The following ANO3 variants were observed in gnomAD, a reference collection of about 807,000 sequenced individuals.
ANO3 encodes the protein anoctamin-3.
A neutral mutation model predicts 144.8 loss-of-function variants in ANO3; 99 were observed. That is an observed-to-expected ratio of 0.68 (90% CI 0.58 to 0.81). ANO3 has a LOEUF of 0.81. Among genes scored for constraint, ANO3 ranks in the 30% least tolerant of loss-of-function variants. The pLI, the probability that ANO3 is intolerant of heterozygous loss-of-function variation, is 0.00. For missense variants in ANO3, 905 were observed against 1,202.2 expected, an observed-to-expected ratio of 0.75 and a Z score of 3.66; for synonymous variants, 414 against 392.6, an observed-to-expected ratio of 1.05 and a Z score of -0.64.
At chr11:26,599,116 C>T (rs1851722744) in intron 16 of ANO3, 118 bp downstream of exon 16, 1 of 1,046,522 alleles carries the variant, frequency 9.6e-7, no homozygotes, top group Non-Finnish European at 1.4e-6. Flanking sequence ...TTTCCAACAA[C>T]TTGGTAACAC....
intron 1 of ANO3, among the ~76,000 whole-genome samples, chr11:26,263,742 A>G (rs182705554): frequency 6.6e-6 from 1 of 152,364 alleles, no homozygotes; most frequent in Admixed American, 6.5e-5. Flanking sequence ...GAATGACTTC[A>G]GGGACTATAT....
chr11:26,451,171 G>T (rs1418541735), intron 3 of ANO3, among the ~76,000 whole-genome samples: 5 of 152,176 alleles, frequency 3.3e-5, no homozygotes, highest in Non-Finnish European at 5.9e-5. Context: ...GAAGACAGGT[G>T]ATTTCTGCAT....
intron 1 of ANO3, among the ~76,000 whole-genome samples, chr11:26,388,358 T>A (rs989118992): frequency 5.3e-5 from 8 of 152,088 alleles, no homozygotes; most frequent in Admixed American, 5.2e-4. Flanking sequence ...AAGTCCTTTA[T>A]GGATAACAAA....
chr11:26,484,288 G>A (rs1345185096), intron 4 of ANO3, among the ~76,000 whole-genome samples: 1 of 152,164 alleles, frequency 6.6e-6, no homozygotes, highest in Non-Finnish European at 1.5e-5. Flanking sequence ...GAGAAACCCA[G>A]TGTTATTGCC....
At chr11:26,431,244 C>G (rs1313083235) in intron 1 of ANO3, among the ~76,000 whole-genome samples, 4 of 152,106 alleles carry the variant, frequency 2.6e-5, no homozygotes, top group African/African-American at 4.8e-5. Flanking sequence ...TTTTATGAAC[C>G]ATGTAGAACT....
At chr11:26,633,751 T>C (rs964309271) in intron 18 of ANO3, among the ~76,000 whole-genome samples, 9 of 152,156 alleles carry the variant, frequency 5.9e-5, no homozygotes, top group Admixed American at 3.3e-4. Context: ...ACACAGATGC[T>C]AGAAATCAGC....
intron 14 of ANO3, among the ~76,000 whole-genome samples, chr11:26,587,572 A>C (rs1272234291): frequency 2.0e-5 from 3 of 152,146 alleles, no homozygotes; most frequent in African/African-American, 7.2e-5. Context: ...CCTGGAACTG[A>C]CTGTGGAATG....
At chr11:26,326,480 C>G (rs1004254051) in intron 1 of ANO3, among the ~76,000 whole-genome samples, 1 of 152,058 alleles carries the variant, frequency 6.6e-6, no homozygotes, top group Non-Finnish European at 1.5e-5. Context: ...CTGCTTTTAT[C>G]AACGAATAAT....
At chr11:26,211,462 T>C (rs2133782802) in intron 1 of ANO3, among the ~76,000 whole-genome samples, 1 of 152,028 alleles carries the variant, frequency 6.6e-6, no homozygotes, top group Middle Eastern at 3.4e-3. Context: ...TATGAAAAAA[T>C]GTTCATGATT....
chr11:26,221,343 G>A lies in ANO3; in HGVS notation c.154+32013G>A, dbSNP rs115579015. On this transcript the variant is annotated intron_variant, in intron 1 of 27. Coordinates refer to the ANO3 transcript ENST00000672621. ...GTACACTGTGGCATAAGGAAGTCTCGTATAAATTACCATTAGCAGGAAAGG... is the reference window on the plus strand; with the variant it reads ...GTACACTGTGGCATAAGGAAGTCTCATATAAATTACCATTAGCAGGAAAGG... Among the ~76,000 whole-genome samples the A allele has an allele frequency of 2.3e-3, 351 of 152,260 alleles. 1 individual carries two copies. Among genetic ancestry groups the A allele is most frequent in the African/African-American group, 7.4e-3 (308 of 41,536 alleles).
At chr11:26,412,870 A>G (rs1361703046) in intron 1 of ANO3, among the ~76,000 whole-genome samples, 2 of 148,966 alleles carry the variant, frequency 1.3e-5, no homozygotes, top group Non-Finnish European at 3.0e-5. Flanking sequence ...GTAACTCAGA[A>G]CTGTATTTCT....
intron 13 of ANO3, among the ~76,000 whole-genome samples, chr11:26,557,236 C>T (rs1208272017): frequency 3.9e-5 from 6 of 151,930 alleles, no homozygotes; most frequent in Admixed American, 6.6e-5. Context: ...CCGAGGCGGG[C>T]GGATCACGAG....
chr11:26,268,398 C>A (rs989662691), intron 1 of ANO3, among the ~76,000 whole-genome samples: 1 of 151,902 alleles, frequency 6.6e-6, no homozygotes, highest in African/African-American at 2.4e-5. Flanking sequence ...ATAATGAAAA[C>A]CCTGATCATT....
intron 1 of ANO3, among the ~76,000 whole-genome samples, chr11:26,364,238 C>G (rs1856003304): frequency 6.6e-6 from 1 of 152,026 alleles, no homozygotes; most frequent in African/African-American, 2.4e-5. Context: ...CAAATTTAGC[C>G]CCATCTCTGC....
At chr11:26,388,021 T>C (rs1323997597) in intron 1 of ANO3, among the ~76,000 whole-genome samples, 1 of 82,918 alleles carries the variant, frequency 1.2e-5, no homozygotes, top group Admixed American at 9.6e-5. Context: ...TCTTCTTTAA[T>C]TTTTTTATGG....
chr11:26,306,314 A>G (rs1268178172), upstream of ANO3, among the ~76,000 whole-genome samples: 1 of 151,810 alleles, frequency 6.6e-6, no homozygotes. Flanking sequence ...TAATCCTTAT[A>G]TAGATTCAGC....
chr11:26,562,580 A>T (rs954937284), intron 14 of ANO3, among the ~76,000 whole-genome samples: 1 of 151,928 alleles, frequency 6.6e-6, no homozygotes, highest in African/African-American at 2.4e-5. Flanking sequence ...CCATCATATG[A>T]GTGGAAAATT....
At chr11:26,591,379 G>A (rs1005833960) in intron 14 of ANO3, among the ~76,000 whole-genome samples, 1 of 152,176 alleles carries the variant, frequency 6.6e-6, no homozygotes, top group African/African-American at 2.4e-5. Flanking sequence ...GGCTGGTCCA[G>A]GGGTCTGCAG....
intron 1 of ANO3, chr11:26,207,951 CA>C (rs1181444991): frequency 6.6e-6 from 1 of 152,074 alleles, no homozygotes; most frequent in Non-Finnish European, 1.5e-5. Context: ...TGGCTTATAA[CA>C]ACAGAAATTC....
Sources: allele counts gnomAD v4.1 joint callset (sites outside exome capture counted in the v4.1 genomes callset), GRCh38; gene constraint gnomAD v4.1.1; transcripts MANE v1.5; gene names NCBI Gene and HGNC (gene_info 2026-07-23, HGNC 2026-07-21).